Variants in DMD observed in about 807,000 individuals in gnomAD.
DMD encodes the protein dystrophin.
In DMD, 63 loss-of-function variants were observed where a neutral mutation model predicts 330.1. The observed-to-expected ratio is 0.19, with a 90% confidence interval of 0.16 to 0.24. The LOEUF is 0.24. DMD is among the 10% of genes least tolerant of loss of function. The probability of loss-of-function intolerance (pLI) is 1.00; values close to 1 mark genes in which losing one functional copy is unlikely to be tolerated. For missense variants in DMD, 3,344 were observed against 2,684.1 expected (o/e 1.25, Z -5.43); for synonymous variants, 1,223 against 959.8 (o/e 1.27, Z -5.07).
At chrX:32,249,850 T>C (rs2097256457) in intron 43 of DMD, among the ~76,000 whole-genome samples, 1 of 111,477 alleles carries the variant, frequency 9.0e-6, no homozygotes, top group Non-Finnish European at 1.9e-5. Context: ...CAGGATAACC[T>C]GTCCTCAGAG....
At chrX:33,058,581 G>A (rs1443009676) in intron 1 of DMD, among the ~76,000 whole-genome samples, 3 of 110,617 alleles carry the variant, frequency 2.7e-5, no homozygotes, top group Non-Finnish European at 5.7e-5. Context: ...GGGATTACAG[G>A]CATGATCCAC....
intron 44 of DMD, among the ~76,000 whole-genome samples, chrX:32,081,422 C>T (rs1016509260): frequency 1.8e-5 from 2 of 112,159 alleles, no homozygotes; most frequent in African/African-American, 6.5e-5. Flanking sequence ...ATCTCTCAGC[C>T]TGCTTAACAC....
intron 44 of DMD, among the ~76,000 whole-genome samples, chrX:32,118,725 G>A (rs2096621836): frequency 9.1e-6 from 1 of 109,428 alleles, no homozygotes; most frequent in Non-Finnish European, 1.9e-5. Flanking sequence ...CAACCTTTTC[G>A]GCACCAGAGA....
intron 43 of DMD, among the ~76,000 whole-genome samples, chrX:32,230,229 T>TG (rs1557226364): frequency 4.7e-4 from 53 of 111,681 alleles, no homozygotes; most frequent in African/African-American, 1.6e-3. Context: ...AACATGGTTT[T>TG]TTTTGTTTTG....
intron 50 of DMD, 87 bp from the exon 51 acceptor site, chrX:31,774,279 A>G: frequency 3.2e-6 from 2 of 621,305 alleles, no homozygotes; most frequent in Admixed American, 3.0e-5. Flanking sequence ...TTCAATAACA[A>G]TAAGTCAAAT....
intron 41 of DMD, among the ~76,000 whole-genome samples, chrX:32,331,070 T>C (rs973914855): frequency 4.5e-5 from 5 of 111,758 alleles, no homozygotes; most frequent in Non-Finnish European, 9.4e-5. Flanking sequence ...GCTTGACAAA[T>C]TTTCACCTTT....
At chrX:32,039,593 G>T (rs1447935933) in intron 44 of DMD, among the ~76,000 whole-genome samples, 1 of 111,595 alleles carries the variant, frequency 9.0e-6, no homozygotes, top group Non-Finnish European at 1.9e-5. Context: ...GAGTAAAAAG[G>T]TAATGCCATA....
At position 32,323,896 on chromosome X, in the gene DMD, A is replaced by G. The variant is rs191120470; in HGVS notation, c.5923-13620T>C. On this transcript the variant is annotated intron_variant, in intron 41 of 78. Transcript: ENST00000357033. ...GAAGTTGGTTAAAATGTCTCATCTAAAGATGAACTATCTATCATTTTTATA... is the reference window on the plus strand; with the variant it reads ...GAAGTTGGTTAAAATGTCTCATCTAGAGATGAACTATCTATCATTTTTATA... 4.6e-4 allele frequency among the ~76,000 whole-genome samples: 51 copies of G among 111,851 alleles called. No individual in the cohort carries two copies. The Admixed American group carries it at 4.7e-3, about 10-fold the overall frequency.
intron 29 of DMD, among the ~76,000 whole-genome samples, chrX:32,434,388 C>A (rs144036713): frequency 0.027 from 3,027 of 111,405 alleles, 98 homozygotes; most frequent in African/African-American, 0.084. Context: ...CCAGCCTGGG[C>A]TTCAGGGAGA....
chrX:32,845,206 T>A (rs1009383791), intron 3 of DMD, among the ~76,000 whole-genome samples: 1 of 111,811 alleles, frequency 8.9e-6, no homozygotes, highest in Non-Finnish European at 1.9e-5. Context: ...GAAAAACAAT[T>A]CCCAAACTTT....
intron 2 of DMD, among the ~76,000 whole-genome samples, chrX:33,009,226 A>ATGTGTATG (rs1569548859): frequency 1.1e-5 from 1 of 90,530 alleles, no homozygotes; most frequent in African/African-American, 4.4e-5. Context: ...ATGTGCATAT[A>ATGTGTATG]TGTGTATATA....
At chrX:31,399,077 G>A (rs1454319266) in intron 60 of DMD, among the ~76,000 whole-genome samples, 1 of 111,540 alleles carries the variant, frequency 9.0e-6, no homozygotes, top group African/African-American at 3.3e-5. Flanking sequence ...AGTGTTAACA[G>A]CTCAGTGGAG....
At chrX:32,058,188 G>A (rs1354469815) in intron 44 of DMD, among the ~76,000 whole-genome samples, 2 of 110,282 alleles carry the variant, frequency 1.8e-5, no homozygotes, top group East Asian at 5.7e-4. Flanking sequence ...ATTTTTTTTG[G>A]ATATGACGCT....
rs754903818 is a variant in DMD at position 32,454,602 on chromosome X, T to A, written c.3603+60A>T. 31 of 972,897 alleles carry A rather than the reference T, an allele frequency of 3.2e-5. No individual in the cohort carries two copies. In the African/African-American group the frequency reaches 5.5e-4, roughly 17 times the overall value. 80.2% of individuals were successfully genotyped at this position (972,897 alleles called of 1,213,427 possible). A position where few individuals can be genotyped will look rare whatever the true frequency, so the allele number is the denominator to read the frequency against. On this transcript the variant is annotated intron_variant, in intron 26 of 78. Transcript: ENST00000357033. Reference sequence around the variant, plus strand: ...GTATACAACTTCAAGCATTGTTGCATTTCTTTCTTTTTCCATTTATTTCCT... The same window carrying A: ...GTATACAACTTCAAGCATTGTTGCAATTCTTTCTTTTTCCATTTATTTCCT...
In DMD at chrX:33,313,139, A is replaced by C. The variant is rs148584529; in HGVS notation, c.7+26120T>G. ...CACAAATGGCTGTGAAAATGCTATG[A>C]GCATTGATTTTAGGGATACAAATTA... On this transcript the variant is annotated intron_variant, in intron 1 of 17. Coordinates refer to the DMD transcript ENST00000288447. 3.7e-3 allele frequency among the ~76,000 whole-genome samples: 412 copies of C among 111,820 alleles called. 1 individual carries two copies. Among genetic ancestry groups the C allele is most frequent in the African/African-American group, 0.013 (400 of 30,796 alleles).
chrX:31,844,310 T>TTG (rs2093372443), intron 48 of DMD, among the ~76,000 whole-genome samples: 1 of 109,392 alleles, frequency 9.1e-6, no homozygotes, highest in African/African-American at 3.3e-5. Context: ...TTTTTTTTTT[T>TTG]TTTGTTTACT....
intron 26 of DMD, among the ~76,000 whole-genome samples, chrX:32,452,485 GGAAAGGAAA>G (rs2098338204): frequency 5.7e-5 from 1 of 17,564 alleles, no homozygotes; most frequent in African/African-American, 1.3e-4. Context: ...GGAAAGGAAA[GGAAAGGAAA>G]GGAAAGGAAA....
At chrX:31,426,072 C>G (rs755577281) in intron 60 of DMD, among the ~76,000 whole-genome samples, 4 of 111,529 alleles carry the variant, frequency 3.6e-5, no homozygotes, top group Non-Finnish European at 5.6e-5. Context: ...TTAACAAGCC[C>G]CCAGGGGATT....
chrX:32,104,976 C>T (rs887141338), intron 44 of DMD, among the ~76,000 whole-genome samples: 2 of 112,149 alleles, frequency 1.8e-5, no homozygotes, highest in Non-Finnish European at 3.8e-5. Context: ...AAAAAACATC[C>T]ACACAAAACA....
Sources: gnomAD v4.1 joint callset for allele counts (sites outside exome capture counted in the v4.1 genomes callset) on GRCh38, gnomAD v4.1.1 for gene constraint, MANE v1.5 for transcripts, NCBI Gene and HGNC (gene_info 2026-07-23, HGNC 2026-07-21) for gene names.